DNAH5: variants seen among roughly 807,000 people sequenced by gnomAD.
DNAH5 encodes the protein axonemal beta dynein heavy chain 5.
In DNAH5, 372 loss-of-function variants were observed where a neutral mutation model predicts 518.2. The ratio of observed to expected loss-of-function variants is 0.72; its 90% CI spans 0.66 to 0.78. The LOEUF (loss-of-function observed/expected upper bound fraction) is 0.78. Among genes scored for constraint, DNAH5 ranks in the 30% least tolerant of loss-of-function variants. The pLI, the probability that DNAH5 is intolerant of heterozygous loss-of-function variation, is 0.00. For missense variants in DNAH5, 5,523 were observed against 5,687.0 expected (o/e 0.97, Z 0.93); for synonymous variants, 2,039 against 2,025.9 (o/e 1.01, Z -0.17).
chr5:13,839,995 C>A (rs147747005), intron 34 of DNAH5, among the ~76,000 whole-genome samples: 1 of 152,166 alleles, frequency 6.6e-6, no homozygotes, highest in Non-Finnish European at 1.5e-5. Flanking sequence ...AGAATTACAT[C>A]GGGCCAAAAT....
At chr5:13,929,016 C>T (rs13360566) in intron 2 of DNAH5, among the ~76,000 whole-genome samples, 3,256 of 152,234 alleles carry the variant, frequency 0.021, 119 homozygotes, top group African/African-American at 0.074. Flanking sequence ...GAATTGAAAG[C>T]GGGCTCTCAA....
chr5:13,874,493 T>G (rs1362396676), intron 22 of DNAH5, among the ~76,000 whole-genome samples: 1 of 151,100 alleles, frequency 6.6e-6, no homozygotes, highest in Admixed American at 6.6e-5. Flanking sequence ...CAAGGTTATT[T>G]TGATTGTTTG....
chr5:13,798,650 T>C (rs917847826), intron 47 of DNAH5, among the ~76,000 whole-genome samples: 16 of 148,762 alleles, frequency 1.1e-4, no homozygotes, highest in Non-Finnish European at 1.6e-4. Context: ...AGACAAAATA[T>C]AAGACAAAAA....
At position 13,839,535 on chromosome 5, in the gene DNAH5, T is replaced by A; in HGVS notation, c.5710-7A>T. On this transcript the variant is annotated splice_polypyrimidine_tract_variant and splice_region_variant and intron_variant, in intron 34 of 78. Transcript: ENST00000265104. ...TCTTGATATGCATATGACACTGAAATTCAAAAGGTATATGTTAGAGCTCTG... is the reference window on the plus strand; with the variant it reads ...TCTTGATATGCATATGACACTGAAAATCAAAAGGTATATGTTAGAGCTCTG... 6.2e-7 allele frequency: 1 copy of A among 1,611,820 alleles called. No individual in the cohort carries two copies. Among genetic ancestry groups the A allele is most frequent in the South Asian group, 1.1e-5 (1 of 91,022 alleles).
In DNAH5 at chr5:13,922,210, A is replaced by G; in HGVS notation, c.557T>C (p.Leu186Pro). The change falls in exon 5 of 79, where the codon CTC becomes CCC. Residue 186 changes from leucine (L) to proline (P), a missense_variant. Leu to Pro is a moderately conservative substitution (Grantham distance 98). Around this residue, in one of 3 missense-constraint regions of DNAH5, gnomAD observed 5,121 missense variants for 5,223.3 expected, o/e 0.98. Coordinates refer to ENST00000265104, the MANE Select transcript of DNAH5 (RefSeq NM_001369.3). ...LRATSHGWGE[L>P]EGLQDAANIR... is the part of the protein sequence containing the mutation. ...GTTAGCTGCGTCCTGAAGGCCCTCG[A>G]GCTCGCCCCAGCCATGGCTCGTGGC... The G allele has an allele frequency of 1.2e-6, 2 of 1,613,882 alleles. No homozygotes were observed. The highest frequency in any genetic ancestry group is 1.7e-6 in the Non-Finnish European group (2 of 1,179,982).
chr5:13,793,830 A>AAAG, intron 48 of DNAH5, 102 bp from the exon 49 acceptor site: 1 of 1,555,376 alleles, frequency 6.4e-7, no homozygotes, highest in Non-Finnish European at 8.7e-7. Flanking sequence ...GAATTCAGAA[A>AAAG]TTATATCTTG....
At chr5:13,943,956 T>C (rs562043121) in intron 1 of DNAH5, among the ~76,000 whole-genome samples, 28 of 152,364 alleles carry the variant, frequency 1.8e-4, no homozygotes, top group African/African-American at 6.5e-4. Context: ...TCACTGTCTG[T>C]GACCTCATTT....
rs201654070 is a variant in DNAH5 at position 13,824,212 on chromosome 5, T to C, written c.6566A>G (p.Asn2189Ser). 1 of 1,614,102 alleles carries C rather than the reference T, an allele frequency of 6.2e-7. No individual in the cohort carries two copies. The highest frequency in any genetic ancestry group is 2.2e-5 in the East Asian group (1 of 44,870). ...TGTGAGTCTTACCAGTTTAGAAAGA[T>C]TCATGTCCCGTAGTACACGCATGAC... is the stretch of plus-strand genomic sequence containing the variant. ...TIVMRVLRDM[N>S]LSKLIDEDEP... The change falls in exon 39 of 79, where the codon AAT becomes AGT. Residue 2189 changes from asparagine (N) to serine (S), a missense_variant. By Grantham distance (46) the Asn-to-Ser change is conservative (BLOSUM62 1). Coordinates refer to ENST00000265104, the MANE Select transcript of DNAH5 (RefSeq NM_001369.3).
intron 31 of DNAH5, among the ~76,000 whole-genome samples, chr5:13,848,751 T>C (rs551301275): frequency 2.2e-4 from 33 of 152,146 alleles, no homozygotes; most frequent in Admixed American, 2.6e-4. Flanking sequence ...TATGAGACCC[T>C]AATGTTGCTG....
intron 35 of DNAH5, among the ~76,000 whole-genome samples, chr5:13,839,046 G>T (rs1036668964): frequency 6.7e-6 from 1 of 150,092 alleles, no homozygotes; most frequent in East Asian, 2.0e-4. Flanking sequence ...AGCAGCCCCC[G>T]CAAGGCCCAC....
intron 7 of DNAH5, among the ~76,000 whole-genome samples, chr5:13,917,472 A>G (rs1182290231): frequency 6.6e-6 from 1 of 152,204 alleles, no homozygotes; most frequent in African/African-American, 2.4e-5. Flanking sequence ...GGCTTCTCAT[A>G]TAAAATCTAT....
At chr5:13,777,164 G>A in intron 54 of DNAH5, 38 bp downstream of exon 54, 1 of 1,596,152 alleles carries the variant, frequency 6.3e-7, no homozygotes, top group Non-Finnish European at 8.6e-7. Flanking sequence ...GAGGAAATCT[G>A]AAGGGATAAA....
chr5:13,765,923 T>A, intron 59 of DNAH5, 53 bp downstream of exon 59: 1 of 1,535,384 alleles, frequency 6.5e-7, no homozygotes, highest in Non-Finnish European at 9.0e-7. Flanking sequence ...AAAGGACTCA[T>A]ACACCAGTGA....
chr5:13,760,124 G>GT (rs1228179077), intron 60 of DNAH5, among the ~76,000 whole-genome samples: 1 of 152,160 alleles, frequency 6.6e-6, no homozygotes, highest in African/African-American at 2.4e-5. Flanking sequence ...TAAAGTCACC[G>GT]TGTCAAGCAA....
chr5:13,981,836 T>C (rs1782693646), intron 1 of DNAH5, among the ~76,000 whole-genome samples: 1 of 152,184 alleles, frequency 6.6e-6, no homozygotes, highest in Non-Finnish European at 1.5e-5. Flanking sequence ...AGTTTAGATG[T>C]ACCCAAGGCC....
chr5:13,928,883 G>A (rs1282178314), intron 2 of DNAH5, among the ~76,000 whole-genome samples: 17 of 152,200 alleles, frequency 1.1e-4, no homozygotes, highest in Non-Finnish European at 1.9e-4. Flanking sequence ...GAACCCTTGA[G>A]CACTACTGGT....
intron 22 of DNAH5, among the ~76,000 whole-genome samples, chr5:13,873,798 G>A (rs1019334888): frequency 6.6e-6 from 1 of 151,968 alleles, no homozygotes; most frequent in African/African-American, 2.4e-5. Context: ...ACGGCGCCTA[G>A]CCAAAAAATT....
At chr5:13,997,604 C>T (rs755665806) in intron 1 of DNAH5, among the ~76,000 whole-genome samples, 4 of 152,204 alleles carry the variant, frequency 2.6e-5, no homozygotes, top group Non-Finnish European at 4.4e-5. Context: ...CTTCTACACC[C>T]TCACCAGAAT....
chr5:13,881,921 G>T (rs930378090), intron 21 of DNAH5, among the ~76,000 whole-genome samples: 3 of 151,978 alleles, frequency 2.0e-5, no homozygotes, highest in Non-Finnish European at 4.4e-5. Flanking sequence ...ACACAAAGTT[G>T]ACAAATCCTT....
Sources: allele counts gnomAD v4.1 joint callset (sites outside exome capture counted in the v4.1 genomes callset), GRCh38; gene constraint gnomAD v4.1.1; regional missense constraint gnomAD v4.1.1; transcripts MANE v1.5; gene names NCBI Gene and HGNC (gene_info 2026-07-23, HGNC 2026-07-21).